Variants in CENPP observed in about 807,000 individuals in gnomAD.
CENPP encodes centromere protein P.
In CENPP, 24 loss-of-function variants were observed where a neutral mutation model predicts 35.6. That is an observed-to-expected ratio of 0.67 (90% CI 0.49 to 0.95). The LOEUF (loss-of-function observed/expected upper bound fraction) is 0.95. Among genes scored for constraint, CENPP ranks in the 40% least tolerant of loss-of-function variants. CENPP has a pLI of 0.00. For missense variants in CENPP, 332 were observed against 345.3 expected, an observed-to-expected ratio of 0.96 and a Z score of 0.31; for synonymous variants, 120 against 125.5, an observed-to-expected ratio of 0.96 and a Z score of 0.29.
intron 5 of CENPP, among the ~76,000 whole-genome samples, chr9:92,578,630 C>T (rs1850343522): frequency 6.6e-6 from 1 of 152,140 alleles, no homozygotes; most frequent in Non-Finnish European, 1.5e-5. Flanking sequence ...GTCCTTTGCC[C>T]ACTTTTTGAT....
At chr9:92,507,110 C>G (rs919430100) in intron 5 of CENPP, among the ~76,000 whole-genome samples, 14 of 152,256 alleles carry the variant, frequency 9.2e-5, no homozygotes, top group African/African-American at 3.1e-4. Context: ...ACAACAACGT[C>G]TGGCTCTCAT....
At chr9:92,338,887 A>T (rs1020052829) in intron 3 of CENPP, among the ~76,000 whole-genome samples, 1 of 152,192 alleles carries the variant, frequency 6.6e-6, no homozygotes, top group Non-Finnish European at 1.5e-5. Context: ...CCCTTTGGCT[A>T]AGACCTTCAC....
intron 5 of CENPP, among the ~76,000 whole-genome samples, chr9:92,565,955 G>A (rs573620814): frequency 6.6e-6 from 1 of 152,044 alleles, no homozygotes; most frequent in South Asian, 2.1e-4. Context: ...GATTCTTAGC[G>A]TTACCATATT....
chr9:92,500,872 C>G, intron 5 of CENPP: 1 of 1,614,194 alleles, frequency 6.2e-7, no homozygotes, highest in African/African-American at 1.3e-5. Context: ...TCCATGCCAT[C>G]ATCAGCAAGT....
At chr9:92,457,669 C>T (rs1158955815) in intron 5 of CENPP, among the ~76,000 whole-genome samples, 2 of 152,112 alleles carry the variant, frequency 1.3e-5, no homozygotes, top group African/African-American at 2.4e-5. Context: ...AAAACTCAAG[C>T]TCATGTGTTG....
rs11459753 is a variant in CENPP, at chr9:92,536,869, AT to A, written c.565-74429del. On this transcript the variant is annotated intron_variant, in intron 5 of 7. Coordinates refer to ENST00000375587, the MANE Select transcript of CENPP (RefSeq NM_001012267.3). ...AGGTAATTTTAGAACTATTTTTTAA[AT>A]TTTTTTTTTTTTTTTGAGACGGGAG... 7.2e-3 allele frequency among the ~76,000 whole-genome samples: 1,013 copies of A among 141,490 alleles called. 8 individuals carry two copies. Among genetic ancestry groups the A allele is most frequent in the African/African-American group, 0.017 (655 of 37,498 alleles). The allele number at this position is 141,490 out of a possible 152,430, so 92.8% of individuals were successfully genotyped here.
intron 5 of CENPP, chr9:92,474,707 C>T: frequency 6.2e-7 from 1 of 1,613,708 alleles, no homozygotes; most frequent in Non-Finnish European, 8.5e-7. Context: ...AAAAAAATGG[C>T]TTCTTGGCTC....
At chr9:92,413,736 G>A (rs1843508332) in intron 5 of CENPP, among the ~76,000 whole-genome samples, 1 of 152,066 alleles carries the variant, frequency 6.6e-6, no homozygotes, top group Non-Finnish European at 1.5e-5. Context: ...TATAAGAAAG[G>A]ACTTGATGAA....
intron 5 of CENPP, chr9:92,416,799 C>A: frequency 1.2e-6 from 2 of 1,613,644 alleles, no homozygotes; most frequent in South Asian, 2.2e-5. Flanking sequence ...GGAAGTTTGT[C>A]GAAGTATTTT....
chr9:92,416,819 G>A (rs1843627751), intron 5 of CENPP: 1 of 1,613,664 alleles, frequency 6.2e-7, no homozygotes, highest in African/African-American at 1.3e-5. Flanking sequence ...TTCGGGTATA[G>A]AAGAAATTGA....
At chr9:92,369,545 C>T (rs1014686086) in intron 4 of CENPP, among the ~76,000 whole-genome samples, 1 of 152,150 alleles carries the variant, frequency 6.6e-6, no homozygotes. Flanking sequence ...GCTAGGATTG[C>T]ACTGAATTGG....
intron 5 of CENPP, among the ~76,000 whole-genome samples, chr9:92,505,060 C>G (rs1846914955): frequency 6.6e-6 from 1 of 152,202 alleles, no homozygotes; most frequent in Non-Finnish European, 1.5e-5. Context: ...CTGAAACAGT[C>G]AGAGGCCTTC....
At chr9:92,563,444 T>C (rs536029654) in intron 5 of CENPP, among the ~76,000 whole-genome samples, 2 of 152,326 alleles carry the variant, frequency 1.3e-5, no homozygotes, top group Admixed American at 6.5e-5. Context: ...AGTGTAATAA[T>C]AAAGCATAGC....
intron 4 of CENPP, among the ~76,000 whole-genome samples, chr9:92,379,542 C>T (rs1185064901): frequency 6.6e-6 from 1 of 152,140 alleles, no homozygotes; most frequent in Non-Finnish European, 1.5e-5. Context: ...AATACGTAGA[C>T]TTAAACGTTT....
chr9:92,501,153 A>G, intron 5 of CENPP: 6 of 1,201,372 alleles, frequency 5.0e-6, no homozygotes, highest in Non-Finnish European at 5.8e-6. Flanking sequence ...CCATTTTCCT[A>G]TAAGCACCCA....
chr9:92,561,116 T>C (rs1343024605), intron 5 of CENPP, among the ~76,000 whole-genome samples: 1 of 152,186 alleles, frequency 6.6e-6, no homozygotes, highest in Non-Finnish European at 1.5e-5. Context: ...ATCACATTGC[T>C]TTAATATATG....
chr9:92,531,960 G>T (rs1848783654), intron 5 of CENPP, among the ~76,000 whole-genome samples: 1 of 142,430 alleles, frequency 7.0e-6, no homozygotes, highest in Non-Finnish European at 1.5e-5. Flanking sequence ...CTAGCTTCCA[G>T]TATTTTATTG....
At chr9:92,451,717 T>C (rs1588138372) in intron 5 of CENPP, among the ~76,000 whole-genome samples, 1 of 150,080 alleles carries the variant, frequency 6.7e-6, no homozygotes, top group South Asian at 2.1e-4. Context: ...ATATTGATTC[T>C]TCCTACCCAT....
At chr9:92,500,060 C>T (rs10761161) in intron 5 of CENPP, among the ~76,000 whole-genome samples, 3 of 152,016 alleles carry the variant, frequency 2.0e-5, no homozygotes, top group East Asian at 1.9e-4. Flanking sequence ...CATATATTTA[C>T]GTTTTATGCT....
Sources: gnomAD v4.1 joint callset for allele counts (sites outside exome capture counted in the v4.1 genomes callset) on GRCh38, gnomAD v4.1.1 for gene constraint, MANE v1.5 for transcripts, NCBI Gene and HGNC (gene_info 2026-07-23, HGNC 2026-07-21) for gene names.